The following ATP11A variants were observed in gnomAD, a reference collection of about 807,000 sequenced individuals.
ATP11A encodes the protein ATPase phospholipid transporting 11A.
In ATP11A, 81 loss-of-function variants were observed where a neutral mutation model predicts 154.4. The ratio of observed to expected loss-of-function variants is 0.52; its 90% CI spans 0.44 to 0.63. ATP11A has a LOEUF of 0.63. ATP11A is among the 30% of genes least tolerant of loss of function. The probability of loss-of-function intolerance (pLI) is 0.00; values close to 1 mark genes in which losing one functional copy is unlikely to be tolerated. For missense variants in ATP11A, 1,316 were observed against 1,474.3 expected (o/e 0.89, Z 1.76); for synonymous variants, 623 against 585.9 (o/e 1.06, Z -0.91).
In ATP11A at chr13:112,807,829, G is replaced by A. The variant is rs1282888929; in HGVS notation, c.333+1536G>A. ...GAAGGAGACCCCTGAGCCTCTCAAG[G>A]GGAGCAGAGAGAAGGGGCGCGGGGG... On this transcript the variant is annotated intron_variant, in intron 4 of 29. Transcript: ENST00000375645. This position sits in a 1 kb window ranked among gnomAD's most constrained non-coding sequence, Gnocchi z 4.5. Among the ~76,000 whole-genome samples the A allele has an allele frequency of 6.6e-6, 1 of 152,154 alleles. No individual in the cohort carries two copies. The highest frequency in any genetic ancestry group is 2.4e-5 in the African/African-American group (1 of 41,420).
At chr13:112,851,316 C>G in intron 18 of ATP11A, 98 bp downstream of exon 18, 1 of 1,235,474 alleles carries the variant, frequency 8.1e-7, no homozygotes. Context: ...GGAGGCCATC[C>G]GCACAGCCGA....
At chr13:112,855,684 T>C (rs889827347) in intron 19 of ATP11A, among the ~76,000 whole-genome samples, 4 of 152,030 alleles carry the variant, frequency 2.6e-5, no homozygotes, top group Admixed American at 6.6e-5. Context: ...ACAAAGAGAG[T>C]CTGCACTTGC....
intron 29 of ATP11A, chr13:112,878,563 G>A (rs1594262062): frequency 5.4e-6 from 3 of 555,680 alleles, no homozygotes; most frequent in East Asian, 6.0e-5. Flanking sequence ...ACCTGTGTGA[G>A]GGTTCAGACA....
chr13:112,854,494 G>T lies in ATP11A; in HGVS notation c.2207G>T (p.Arg736Leu). ...VLFELSKTVL[R>L]HSGSLTRDNL... ...TTCGAGCTGAGCAAGACGGTCCTGC[G>T]CCACAGCGGGAGCCTGACCAGAGAC... The change falls in exon 19 of 30, where the codon CGC becomes CTC. Residue 736 changes from arginine (R) to leucine (L), a missense_variant. Transcript: ENST00000375645. The T allele has an allele frequency of 6.2e-7, 1 of 1,611,624 alleles. No homozygotes were observed. Among genetic ancestry groups the T allele is most frequent in the Non-Finnish European group, 8.5e-7 (1 of 1,180,006 alleles).
At chr13:112,867,482 C>T (rs2080374535) in intron 25 of ATP11A, among the ~76,000 whole-genome samples, 1 of 152,204 alleles carries the variant, frequency 6.6e-6, no homozygotes, top group Non-Finnish European at 1.5e-5. Context: ...GGCTGTGCTC[C>T]TGAATGAGGT....
chr13:112,847,159 G>A (rs1393875144), intron 17 of ATP11A, among the ~76,000 whole-genome samples: 2 of 152,208 alleles, frequency 1.3e-5, no homozygotes, highest in Admixed American at 1.3e-4. Context: ...TAGTGAGCTG[G>A]GCACTTGCAG....
intron 2 of ATP11A, among the ~76,000 whole-genome samples, chr13:112,801,710 C>G (rs432639): frequency 6.6e-6 from 1 of 152,014 alleles, no homozygotes; most frequent in Non-Finnish European, 1.5e-5. Flanking sequence ...CCAAATTACA[C>G]AGGTATAAAT....
intron 1 of ATP11A, among the ~76,000 whole-genome samples, chr13:112,775,852 G>A (rs979175813): frequency 2.0e-5 from 3 of 152,196 alleles, no homozygotes; most frequent in Non-Finnish European, 2.9e-5. Context: ...CTTAGTTCAC[G>A]ACAACCTAGT....
At chr13:112,793,307 T>TTC (rs1364798705) in intron 2 of ATP11A, among the ~76,000 whole-genome samples, 3 of 152,206 alleles carry the variant, frequency 2.0e-5, no homozygotes, top group African/African-American at 7.2e-5. Flanking sequence ...GTTTAAGTGA[T>TTC]TCTCCTGCCT....
Position 112,882,768 on chromosome 13 carries a change from C to T in ATP11A, c.*902C>T, listed in dbSNP as rs986706718. On this transcript the variant is annotated 3_prime_UTR_variant, in exon 30 of 30. Coordinates refer to ENST00000375645, the MANE Select transcript of ATP11A (RefSeq NM_015205.3). This position sits in a 1 kb window ranked among gnomAD's most constrained non-coding sequence, Gnocchi z 5.1. ...GCACGGAGCCGTCAGTCCACTGTTA[C>T]GGGAGAATGTTGATTTCGCGGGTGC... 3 of 399,334 alleles carry T rather than the reference C, an allele frequency of 7.5e-6. No homozygotes were observed. Among genetic ancestry groups the T allele is most frequent in the Non-Finnish European group, 1.3e-5 (3 of 226,792 alleles). 24.7% of individuals were successfully genotyped at this position (399,334 alleles called of 1,614,324 possible). A position where few individuals can be genotyped will look rare whatever the true frequency, so the allele number is the denominator to read the frequency against.
intron 1 of ATP11A, among the ~76,000 whole-genome samples, chr13:112,720,160 G>A (rs1594409271): frequency 6.6e-6 from 1 of 152,332 alleles, no homozygotes; most frequent in Middle Eastern, 3.4e-3. Context: ...GTCTGAGAAG[G>A]TGCACCTGAG....
At chr13:112,724,696 C>T (rs754542714) in intron 1 of ATP11A, among the ~76,000 whole-genome samples, 16 of 150,944 alleles carry the variant, frequency 1.1e-4, no homozygotes, top group Non-Finnish European at 1.6e-4. Context: ...CCGGCCCCCC[C>T]CCAGGAAGCT....
intron 1 of ATP11A, among the ~76,000 whole-genome samples, chr13:112,719,028 G>A (rs887779598): frequency 2.0e-5 from 3 of 152,292 alleles, no homozygotes; most frequent in African/African-American, 7.2e-5. Flanking sequence ...GGATTTCAAC[G>A]ATGGCTTTAA....
At chr13:112,811,694 C>T (rs1000370299) in intron 5 of ATP11A, 2 of 152,098 alleles carry the variant, frequency 1.3e-5, no homozygotes, top group African/African-American at 4.8e-5. Flanking sequence ...CAACCTCCGC[C>T]CCCGGGTTCA....
At chr13:112,741,019 G>A (rs1446561676) in intron 1 of ATP11A, among the ~76,000 whole-genome samples, 9 of 152,234 alleles carry the variant, frequency 5.9e-5, no homozygotes, top group African/African-American at 2.2e-4. Context: ...GGCACAGCAC[G>A]GGTCTGAATC....
chr13:112,756,261 G>A (rs2076830100), intron 1 of ATP11A, among the ~76,000 whole-genome samples: 1 of 152,218 alleles, frequency 6.6e-6, no homozygotes, highest in Non-Finnish European at 1.5e-5. Flanking sequence ...CTGGCTGGCT[G>A]TGCGAATCGA....
chr13:112,860,042 T>A (rs1170520520), intron 23 of ATP11A, among the ~76,000 whole-genome samples: 1 of 139,770 alleles, frequency 7.2e-6, no homozygotes, highest in Non-Finnish European at 1.5e-5. Flanking sequence ...ACTTTTTTCC[T>A]TTTTTTTTTT....
At chr13:112,724,158 T>TGCCCCCTTCTCCCCCATCGCCCTCTTC (rs1566384953) in intron 1 of ATP11A, among the ~76,000 whole-genome samples, 1 of 97,946 alleles carries the variant, frequency 1.0e-5, no homozygotes, top group African/African-American at 4.1e-5. Flanking sequence ...TTGCCCCTAT[T>TGCCCCCTTCTCCCCCATCGCCCTCTTC]GCCCCCTTCT....
Position 112,828,572 on chromosome 13 carries a change from G to A in ATP11A, c.1221+1681G>A, listed in dbSNP as rs192122814. On this transcript the variant is annotated intron_variant, in intron 12 of 29. Transcript: ENST00000375645. ...GAAAGCGCCAAGAAGTGTTGAGTGC[G>A]GGGGAAAGTGCCCAGCGGTGTTGAG... Among the ~76,000 whole-genome samples, 1,260 of 151,680 alleles carry A rather than the reference G, an allele frequency of 8.3e-3. 10 individuals carry two copies. The highest frequency in any genetic ancestry group is 0.013 in the Admixed American group (198 of 15,256).
Sources: allele counts gnomAD v4.1 joint callset (sites outside exome capture counted in the v4.1 genomes callset), GRCh38; gene constraint gnomAD v4.1.1; non-coding constraint Gnocchi (gnomAD v3.1); transcripts MANE v1.5; gene names NCBI Gene and HGNC (gene_info 2026-07-23, HGNC 2026-07-21).